RNFT2: variants seen among roughly 807,000 people sequenced by gnomAD.
RNFT2 encodes ring finger protein, transmembrane 2.
A neutral mutation model predicts 53.0 loss-of-function variants in RNFT2; 36 were observed. The observed-to-expected ratio is 0.68, with a 90% CI of 0.52 to 0.90. The LOEUF is 0.90. Among genes scored for constraint, RNFT2 ranks in the 40% least tolerant of loss-of-function variants. The probability of loss-of-function intolerance (pLI) is 0.00; values close to 1 mark genes in which losing one functional copy is unlikely to be tolerated. For missense variants in RNFT2, 514 were observed against 585.6 expected (o/e 0.88, Z 1.26); for synonymous variants, 260 against 253.2 (o/e 1.03, Z -0.26).
At chr12:116,808,377 G>C (rs930748440) in intron 7 of RNFT2, among the ~76,000 whole-genome samples, 1 of 152,152 alleles carries the variant, frequency 6.6e-6, no homozygotes, top group Non-Finnish European at 1.5e-5. Flanking sequence ...GGTGCGAGCC[G>C]CTGCATCCAG....
At chr12:116,787,275 G>A (rs1355722513) in intron 7 of RNFT2, among the ~76,000 whole-genome samples, 1 of 152,218 alleles carries the variant, frequency 6.6e-6, no homozygotes, top group East Asian at 1.9e-4. Flanking sequence ...TGCCAGATCG[G>A]CCAGGTGCTA....
rs1250359544 is a variant in RNFT2 at position 116,806,381 on chromosome 12, A to AATATAT, written c.882+27047_882+27052dup. 5.5e-4 allele frequency among the ~76,000 whole-genome samples: 73 copies of AATATAT among 133,464 alleles called. No individual in the cohort carries two copies. In the South Asian group the frequency reaches 0.012, roughly 23 times the overall value. 87.6% of individuals were successfully genotyped at this position (133,464 alleles called of 152,430 possible). On this transcript the variant is annotated intron_variant, in intron 7 of 10. Transcript: ENST00000257575. ...TGAGACTGTCTCAAAAAAAAAAAAA[A>AATATAT]ATATATATATATATATATAGATAGA...
Position 116,819,345 on chromosome 12 carries a change from C to T in RNFT2, c.883-14447C>T, listed in dbSNP as rs148315542. Among the ~76,000 whole-genome samples, 500 of 152,278 alleles carry T rather than the reference C, an allele frequency of 3.3e-3. 1 individual carries two copies. The highest frequency in any genetic ancestry group is 0.017 in the Middle Eastern group (5 of 292). On this transcript the variant is annotated intron_variant, in intron 7 of 10. Transcript: ENST00000257575. Reference sequence around the variant, plus strand: ...AGCCTCAGGCTCGGGGGCCTGGTACCGGCGCGGGACGCCCGGAGGCCAGAC... The same window carrying T: ...AGCCTCAGGCTCGGGGGCCTGGTACTGGCGCGGGACGCCCGGAGGCCAGAC...
intron 10 of RNFT2, among the ~76,000 whole-genome samples, chr12:116,843,400 G>A (rs1303828339): frequency 6.9e-6 from 1 of 144,864 alleles, no homozygotes; most frequent in Non-Finnish European, 1.5e-5. Flanking sequence ...GCTGAGGTGG[G>A]AGGATCACTC....
At chr12:116,806,382 A>AAATC (rs57930179) in intron 7 of RNFT2, among the ~76,000 whole-genome samples, 1 of 126,662 alleles carries the variant, frequency 7.9e-6, no homozygotes, top group African/African-American at 3.2e-5. Flanking sequence ...AAAAAAAAAA[A>AAATC]TATATATATA....
intron 4 of RNFT2, among the ~76,000 whole-genome samples, chr12:116,750,825 A>ATG (rs1378540836): frequency 6.0e-4 from 2 of 3,318 alleles, no homozygotes; most frequent in Non-Finnish European, 2.6e-3. Context: ...TATATTATAT[A>ATG]TATAATATAT....
intron 10 of RNFT2, among the ~76,000 whole-genome samples, chr12:116,843,684 G>A (rs960427275): frequency 9.2e-5 from 12 of 130,690 alleles, no homozygotes; most frequent in East Asian, 2.2e-4. Context: ...GTCCACAGCC[G>A]TGAACTCCTC....
intron 7 of RNFT2, among the ~76,000 whole-genome samples, chr12:116,827,272 C>T (rs2137191735): frequency 6.7e-6 from 1 of 149,754 alleles, no homozygotes; most frequent in East Asian, 1.9e-4. Flanking sequence ...GGGGAGTCTT[C>T]AAAGGTGTAC....
chr12:116,791,948 CTA>C (rs1874253838), intron 7 of RNFT2, among the ~76,000 whole-genome samples: 1 of 152,184 alleles, frequency 6.6e-6, no homozygotes, highest in South Asian at 2.1e-4. Flanking sequence ...TCACAAGTGG[CTA>C]TGTGGAGATT....
At position 116,802,466 on chromosome 12, in the gene RNFT2, CAG is replaced by C. The variant is rs539310374; in HGVS notation, c.882+23122_882+23123del. 9.2e-5 allele frequency among the ~76,000 whole-genome samples: 14 copies of C among 152,206 alleles called. No homozygotes were observed. In the South Asian group the frequency reaches 2.1e-3, roughly 23 times the overall value. On this transcript the variant is annotated intron_variant, in intron 7 of 10. Coordinates refer to ENST00000257575, the MANE Select transcript of RNFT2 (RefSeq NM_001382266.1). ...CTGTGGCAGAGTTGAGGAATGATGA[CAG>C]AGACTCTGTGGCCCACAAATCTTAA...
At chr12:116,793,541 C>T (rs1250678166) in intron 7 of RNFT2, among the ~76,000 whole-genome samples, 4 of 152,150 alleles carry the variant, frequency 2.6e-5, no homozygotes, top group Non-Finnish European at 5.9e-5. Context: ...CTGGCTCCTA[C>T]TCCACCTCTC....
rs544982619 is a variant in RNFT2 at position 116,749,970 on chromosome 12, G to T, written c.213G>T (p.Ser71=). Residue 71 remains serine (S), a synonymous_variant, in exon 4 of 11, where the codon TCG becomes TCT. Transcript: ENST00000257575. ...SGLSGSLPTS[S]FPSSLVLGSS... is the part of the protein sequence containing the mutation. ...TATCAGGCAGCCTCCCCACCAGCTC[G>T]TTCCCCTCCAGCCTGGTGCTGGGCT... 2.5e-5 allele frequency: 39 copies of T among 1,562,180 alleles called. 1 individual carries two copies. The South Asian group carries it at 4.6e-4, about 18-fold the overall frequency.
At chr12:116,781,014 G>C (rs570400427) in intron 7 of RNFT2, among the ~76,000 whole-genome samples, 2 of 152,264 alleles carry the variant, frequency 1.3e-5, no homozygotes, top group African/African-American at 4.8e-5. Context: ...TACTCACTTT[G>C]TAAGAACTAT....
At chr12:116,759,731 G>A (rs1166846906) in intron 5 of RNFT2, among the ~76,000 whole-genome samples, 2 of 152,198 alleles carry the variant, frequency 1.3e-5, no homozygotes, top group African/African-American at 4.8e-5. Flanking sequence ...GGGTCTCTCA[G>A]CCATGGATAC....
At chr12:116,775,626 T>TTCACAC (rs1295579941) in intron 6 of RNFT2, among the ~76,000 whole-genome samples, 2 of 152,238 alleles carry the variant, frequency 1.3e-5, no homozygotes. Flanking sequence ...CAAGTCCACA[T>TTCACAC]TCTTCCCTTA....
chr12:116,811,813 G>A (rs11835089), intron 7 of RNFT2, among the ~76,000 whole-genome samples: 7,092 of 152,212 alleles, frequency 0.047, 362 homozygotes, highest in East Asian at 0.14. Context: ...TCTTCTCCTC[G>A]GGGCCCAGAA....
At chr12:116,826,861 G>T (rs933950357) in intron 7 of RNFT2, among the ~76,000 whole-genome samples, 3 of 152,158 alleles carry the variant, frequency 2.0e-5, no homozygotes, top group Non-Finnish European at 4.4e-5. Flanking sequence ...CCCGTAAGGG[G>T]CTTACAGTCC....
At chr12:116,785,504 T>C (rs115849936) in intron 7 of RNFT2, among the ~76,000 whole-genome samples, 2,342 of 152,080 alleles carry the variant, frequency 0.015, 72 homozygotes, top group African/African-American at 0.053. Context: ...GTTGCCCAGG[T>C]TAGTCTTGAA....
chr12:116,740,639 C>T, intron 2 of RNFT2, 118 bp downstream of exon 2: 1 of 925,390 alleles, frequency 1.1e-6, no homozygotes, highest in Non-Finnish European at 1.7e-6. Flanking sequence ...GGAATCTGAA[C>T]CCACAGAGGG....
Sources: allele counts gnomAD v4.1 joint callset (sites outside exome capture counted in the v4.1 genomes callset), GRCh38; gene constraint gnomAD v4.1.1; transcripts MANE v1.5; gene names NCBI Gene and HGNC (gene_info 2026-07-23, HGNC 2026-07-21).